NCALD: variants seen among roughly 807,000 people sequenced by gnomAD.
NCALD encodes the protein neurocalcin-delta.
In NCALD, 10 loss-of-function variants were observed where a neutral mutation model predicts 18.6. That is an observed-to-expected ratio of 0.54 (90% CI 0.33 to 0.91). The LOEUF (loss-of-function observed/expected upper bound fraction) is 0.91. Among genes scored for constraint, NCALD ranks in the 40% least tolerant of loss-of-function variants. NCALD has a pLI of 0.03. For missense variants in NCALD, 184 were observed against 247.6 expected, an observed-to-expected ratio of 0.74 and a Z score of 1.72; for synonymous variants, 88 against 87.4, an observed-to-expected ratio of 1.01 and a Z score of -0.04.
At chr8:101,973,120 G>A (rs191749361) in intron 2 of NCALD, among the ~76,000 whole-genome samples, 588 of 152,262 alleles carry the variant, frequency 3.9e-3, no homozygotes, top group Non-Finnish European at 6.6e-3. Flanking sequence ...AAGCAAGGGG[G>A]AAAATTTGCA....
chr8:101,804,321 T>G (rs969065672), intron 4 of NCALD, among the ~76,000 whole-genome samples: 1 of 78,474 alleles, frequency 1.3e-5, no homozygotes, highest in Non-Finnish European at 3.6e-5. Flanking sequence ...AATTATATAT[T>G]ATATATAATT....
At chr8:101,762,837 G>T (rs965731678) in intron 1 of NCALD, among the ~76,000 whole-genome samples, 1 of 152,158 alleles carries the variant, frequency 6.6e-6, no homozygotes, top group African/African-American at 2.4e-5. Context: ...CTCCCAAAGT[G>T]CTGGGATTAC....
chr8:101,737,610 C>T (rs1418980197), intron 1 of NCALD, among the ~76,000 whole-genome samples: 1 of 152,176 alleles, frequency 6.6e-6, no homozygotes, highest in African/African-American at 2.4e-5. Context: ...AAAGGAAGCT[C>T]GGAGGAGAAT....
chr8:101,923,601 G>A (rs1818240339), intron 2 of NCALD, among the ~76,000 whole-genome samples: 1 of 152,166 alleles, frequency 6.6e-6, no homozygotes, highest in Non-Finnish European at 1.5e-5. Context: ...AAATGTAGCT[G>A]GCCGAATTTG....
chr8:101,738,500 C>T (rs1373096373), intron 1 of NCALD, among the ~76,000 whole-genome samples: 3 of 144,394 alleles, frequency 2.1e-5, no homozygotes, highest in Admixed American at 1.5e-4. Flanking sequence ...GCCAAGATTG[C>T]GCCACTGCAC....
intron 4 of NCALD, among the ~76,000 whole-genome samples, chr8:101,839,816 G>A (rs544406345): frequency 6.6e-6 from 1 of 151,894 alleles, no homozygotes; most frequent in Non-Finnish European, 1.5e-5. Context: ...AATGAGGAAC[G>A]CTGAAGTCCC....
At chr8:101,778,099 T>G (rs1811867347) in intron 1 of NCALD, among the ~76,000 whole-genome samples, 2 of 152,210 alleles carry the variant, frequency 1.3e-5, no homozygotes, top group African/African-American at 4.8e-5. Context: ...TAAAAGTAGT[T>G]CATCCCTAAA....
At chr8:102,059,089 T>C (rs1823753593) in intron 1 of NCALD, among the ~76,000 whole-genome samples, 1 of 152,218 alleles carries the variant, frequency 6.6e-6, no homozygotes, top group South Asian at 2.1e-4. Context: ...AGTTATAAAT[T>C]TGTATTGTTT....
Position 101,686,599 on chromosome 8 carries a change from T to C in NCALD, c.*2710A>G, listed in dbSNP as rs1239634904. On this transcript the variant is annotated 3_prime_UTR_variant, in exon 4 of 4. Coordinates refer to ENST00000220931, the MANE Select transcript of NCALD (RefSeq NM_032041.3). The stretch of plus-strand genomic sequence containing the variant: ...GGCAAGAGCTACACAGTCAACTGAT[T>C]TACGGGCCACTCCATAGGCTATGAT... 1.3e-5 allele frequency: 2 copies of C among 152,540 alleles called. No homozygotes were observed. The highest frequency in any genetic ancestry group is 6.6e-5 in the Admixed American group (1 of 15,264). The allele number at this position is 152,540 out of a possible 1,614,324, so 9.4% of individuals were successfully genotyped here.
intron 2 of NCALD, among the ~76,000 whole-genome samples, chr8:101,962,532 G>T (rs1378447277): frequency 6.6e-6 from 1 of 152,128 alleles, no homozygotes; most frequent in Non-Finnish European, 1.5e-5. Flanking sequence ...CAAATTCAGT[G>T]GCAGAAAGAG....
intron 2 of NCALD, among the ~76,000 whole-genome samples, chr8:101,700,167 C>G (rs555777462): frequency 1.3e-5 from 2 of 151,934 alleles, no homozygotes; most frequent in Non-Finnish European, 2.9e-5. Context: ...CTCAGACAAT[C>G]CTCCTGTCCC....
chr8:102,001,847 G>A (rs1386730371), intron 2 of NCALD, among the ~76,000 whole-genome samples: 1 of 152,142 alleles, frequency 6.6e-6, no homozygotes, highest in African/African-American at 2.4e-5. Flanking sequence ...GTCACCACCA[G>A]GCCTAACCTA....
At chr8:101,925,174 A>G (rs1818292639) in intron 2 of NCALD, among the ~76,000 whole-genome samples, 1 of 152,224 alleles carries the variant, frequency 6.6e-6, no homozygotes, top group South Asian at 2.1e-4. Flanking sequence ...CCAAGAGGGC[A>G]GAGCCAGGCA....
intron 1 of NCALD, among the ~76,000 whole-genome samples, chr8:102,035,663 GT>G (rs1336000010): frequency 1.3e-5 from 2 of 152,048 alleles, no homozygotes; most frequent in African/African-American, 2.4e-5. Flanking sequence ...ATTACTGACA[GT>G]TTCTCATTAG....
chr8:101,819,081 T>A (rs1215449701), intron 4 of NCALD, among the ~76,000 whole-genome samples: 1 of 152,130 alleles, frequency 6.6e-6, no homozygotes, highest in Non-Finnish European at 1.5e-5. Context: ...TTGGGAATAA[T>A]CCTAAAGAGA....
At chr8:102,049,364 G>A (rs1465492257) in intron 1 of NCALD, among the ~76,000 whole-genome samples, 1 of 152,164 alleles carries the variant, frequency 6.6e-6, no homozygotes, top group South Asian at 2.1e-4. Context: ...TCTTTTCATG[G>A]CTTGATAGCT....
intron 1 of NCALD, among the ~76,000 whole-genome samples, chr8:101,764,953 T>G (rs1811285050): frequency 6.6e-6 from 1 of 152,086 alleles, no homozygotes; most frequent in Admixed American, 6.6e-5. Flanking sequence ...CATGATAGAG[T>G]CTGCTAATCA....
intron 1 of NCALD, among the ~76,000 whole-genome samples, chr8:101,747,446 G>A (rs7003560): frequency 0.028 from 4,275 of 152,266 alleles, 200 homozygotes; most frequent in African/African-American, 0.096. Flanking sequence ...TTAGGATGAA[G>A]TGCCCCTGAG....
At chr8:101,979,747 A>G (rs1820547959) in intron 2 of NCALD, among the ~76,000 whole-genome samples, 1 of 152,248 alleles carries the variant, frequency 6.6e-6, no homozygotes, top group Admixed American at 6.5e-5. Flanking sequence ...AAATCATTAT[A>G]AAACAGAGCA....
Sources: allele counts gnomAD v4.1 joint callset (sites outside exome capture counted in the v4.1 genomes callset), GRCh38; gene constraint gnomAD v4.1.1; transcripts MANE v1.5; gene names NCBI Gene and HGNC (gene_info 2026-07-23, HGNC 2026-07-21).